Variants in PLA2G4B observed in about 807,000 individuals in gnomAD.
The protein encoded by PLA2G4B is phospholipase A2 group IVB.
PLA2G4B carries 122 observed loss-of-function variants against 95.8 expected under a neutral mutation model. That is an observed-to-expected ratio of 1.27 (90% CI 1.10 to 1.48). The LOEUF (loss-of-function observed/expected upper bound fraction) is 1.48, where lower values mean the gene tolerates loss of function less well. Ranked by LOEUF, PLA2G4B falls within the 40% of genes most tolerant of loss-of-function variation. The pLI is 0.00. For missense variants in PLA2G4B, 1,158 were observed against 996.2 expected, an observed-to-expected ratio of 1.16 and a Z score of -2.19; for synonymous variants, 518 against 421.5, an observed-to-expected ratio of 1.23 and a Z score of -2.80.
At position 41,847,851 on chromosome 15, in the gene PLA2G4B, G is replaced by A. The variant is rs561804225; in HGVS notation, c.2337G>A (p.Arg779=). 3.0e-5 allele frequency: 48 copies of A among 1,612,578 alleles called. No individual in the cohort carries two copies. The highest frequency in any genetic ancestry group is 5.3e-5 in the African/African-American group (4 of 75,072). ...RQAVQRRRQR[R]PH is the part of the protein sequence containing the mutation. Reference sequence around the variant, plus strand: ...CAGTGCAGCGGAGGCGGCAGCGCAGGCCCCACTGATGGCCGGGGCCCCTGC... The same window carrying A: ...CAGTGCAGCGGAGGCGGCAGCGCAGACCCCACTGATGGCCGGGGCCCCTGC... The change falls in exon 20 of 20, where the codon AGG becomes AGA. Residue 779 remains arginine (R), a synonymous_variant. Transcript: ENST00000458483.
chr15:41,846,408 C>T, intron 17 of PLA2G4B, 26 bp downstream of exon 17: 2 of 1,587,066 alleles, frequency 1.3e-6, no homozygotes, highest in Non-Finnish European at 1.7e-6. Context: ...CAAAGTCCTC[C>T]TGTGGCCACC....
At position 41,844,548 on chromosome 15, in the gene PLA2G4B, G is replaced by A. The variant is rs145433412; in HGVS notation, c.957G>A (p.Leu319=). 2.6e-4 allele frequency: 419 copies of A among 1,614,226 alleles called. 2 individuals carry two copies. In the African/African-American group the frequency reaches 5.4e-3, roughly 21 times the overall value. The part of the protein sequence containing the change: ...MTSLYGQLAG[L]KELGLLDCVS... ...CCCTGTATGGGCAGCTGGCTGGCCT[G>A]AAGGAGCTGGGCCTCTTGGATTGCG... Residue 319 remains leucine (L), a synonymous_variant, in exon 12 of 20, where the codon CTG becomes CTA. Transcript: ENST00000458483.
rs779640300 is a variant in PLA2G4B at position 41,844,860 on chromosome 15, C to A, written c.1029C>A (p.Asn343Lys). 16 of 1,605,954 alleles carry A rather than the reference C, an allele frequency of 1.0e-5. No individual in the cohort carries two copies. In the Admixed American group the frequency reaches 1.4e-4, roughly 14 times the overall value. Residue 343 changes from asparagine (N) to lysine (K), a missense_variant, in exon 13 of 20, where the codon AAC becomes AAA. Asn to Lys is a moderately conservative substitution (Grantham distance 94, BLOSUM62 0). Transcript: ENST00000458483. Reference sequence around the variant, plus strand: ...TGGCTTTTCCCAGGGCCTTGGCCAACCTTTATGAGGACCCAGAGTGGTCTC... The same window carrying A: ...TGGCTTTTCCCAGGGCCTTGGCCAAACTTTATGAGGACCCAGAGTGGTCTC... ...GASGSTWALA[N>K]LYEDPEWSQK...
chr15:41,840,924 G>C lies in PLA2G4B; in HGVS notation c.351+19G>C, dbSNP rs199715476. 1.9e-6 allele frequency: 3 copies of C among 1,609,178 alleles called. No individual in the cohort carries two copies. The highest frequency in any genetic ancestry group is 1.1e-5 in the South Asian group (1 of 90,758). On this transcript the variant is annotated intron_variant, in intron 4 of 19. Coordinates refer to ENST00000458483, the MANE Select transcript of PLA2G4B (RefSeq NM_001114633.2). Reference sequence around the variant, plus strand: ...CCCTCAGGCAAGGCGGTGTTTCCACGGCAGCCCTAGCTGGTGTCTGGGTTG... The same window carrying C: ...CCCTCAGGCAAGGCGGTGTTTCCACCGCAGCCCTAGCTGGTGTCTGGGTTG...
rs749011270 is a variant in PLA2G4B at position 41,847,513 on chromosome 15, C to T, written c.2124C>T (p.Tyr708=). ...TGGTCAGCGACTCCTTCCGGGAGTA[C>T]TCGGCCCCTGGTGAGCTGCTGTTCA... ...FPLVSDSFRE[Y]SAPGVRRTPE... The change falls in exon 19 of 20, where the codon TAC becomes TAT. Residue 708 remains tyrosine (Y), a synonymous_variant. Coordinates refer to ENST00000458483, the MANE Select transcript of PLA2G4B (RefSeq NM_001114633.2). 2 of 1,604,770 alleles carry T rather than the reference C, an allele frequency of 1.2e-6. No individual in the cohort carries two copies. The highest frequency in any genetic ancestry group is 1.7e-5 in the Admixed American group (1 of 59,740).
rs776240194 is a variant in PLA2G4B at position 41,842,232 on chromosome 15, C to T, written c.661C>T (p.Leu221=). Residue 221 remains leucine (L), a synonymous_variant, in exon 9 of 20, where the codon CTG becomes TTG. Transcript: ENST00000458483. Reference sequence around the variant, plus strand: ...GCAACTAAAGGCGCCACTGAGTGCCCTGCCCTCTGGTCAAGTGGTGAGGCT... The same window carrying T: ...GCAACTAAAGGCGCCACTGAGTGCCTTGCCCTCTGGTCAAGTGGTGAGGCT... ...EEQLKAPLSA[L]PSGQVVRLVF... The T allele has an allele frequency of 3.7e-6, 6 of 1,614,110 alleles. No individual in the cohort carries two copies. The South Asian group carries it at 4.4e-5, about 12-fold the overall frequency.
rs1362253835 is a variant in PLA2G4B, at chr15:41,847,706, A to T, written c.2192A>T (p.Asp731Val). The T allele has an allele frequency of 1.2e-6, 2 of 1,613,186 alleles. No homozygotes were observed. Among genetic ancestry groups the T allele is most frequent in the Non-Finnish European group, 1.7e-6 (2 of 1,179,914 alleles). The change falls in exon 20 of 20, where the codon GAC becomes GTC. Residue 731 changes from aspartate to valine, a missense_variant. Asp to Val is a radical substitution (Grantham distance 152). Coordinates refer to ENST00000458483, the MANE Select transcript of PLA2G4B (RefSeq NM_001114633.2). ...GGGGAGGTGAACCTGTCTTCATCGG[A>T]CTCTCCCTACCACTACACGAAGGTG... The part of the protein sequence containing the change: ...AAGEVNLSSS[D>V]SPYHYTKVTY...
At chr15:41,840,699 G>T in intron 3 of PLA2G4B, 39 bp downstream of exon 3, 4 of 1,603,894 alleles carry the variant, frequency 2.5e-6, no homozygotes, top group East Asian at 2.2e-5. Context: ...CCACATCCTC[G>T]CCAGCCACTG....
rs1352655729 is a variant in PLA2G4B, at chr15:41,846,361, C to T, written c.1759C>T (p.Pro587Ser). 1 of 1,606,618 alleles carries T rather than the reference C, an allele frequency of 6.2e-7. No individual in the cohort carries two copies. The highest frequency in any genetic ancestry group is 8.5e-7 in the Non-Finnish European group (1 of 1,173,500). Residue 587 changes from proline to serine, a missense_variant, in exon 17 of 20, where the codon CCT becomes TCT. Physicochemically the swap from Pro to Ser is moderately conservative, Grantham distance 74. Coordinates refer to ENST00000458483, the MANE Select transcript of PLA2G4B (RefSeq NM_001114633.2). ...TTTCCACAAAGACTACTTTCAGCAT[C>T]CTCACTTCTCCACATGGAAAGGTAC... The part of the protein sequence containing the change: ...LHFHKDYFQH[P>S]HFSTWKATTL...
rs1293800415 is a variant in PLA2G4B at position 41,845,087 on chromosome 15, C to G, written c.1239+17C>G. On this transcript the variant is annotated intron_variant, in intron 13 of 19. Coordinates refer to ENST00000458483, the MANE Select transcript of PLA2G4B (RefSeq NM_001114633.2). ...CATGATGAGGTGCGGGGGCTGCGGCCTGGGGGCAGAGCCAGGGCAAGGGCT... is the reference window on the plus strand; with the variant it reads ...CATGATGAGGTGCGGGGGCTGCGGCGTGGGGGCAGAGCCAGGGCAAGGGCT... The G allele has an allele frequency of 3.1e-6, 5 of 1,595,152 alleles. No homozygotes were observed. The highest frequency in any genetic ancestry group is 4.3e-6 in the Non-Finnish European group (5 of 1,168,652).
chr15:41,840,616 G>T lies in PLA2G4B; in HGVS notation c.175G>T (p.Val59Phe), dbSNP rs768865649. 3.7e-6 allele frequency: 6 copies of T among 1,614,010 alleles called. No homozygotes were observed. Among genetic ancestry groups the T allele is most frequent in the Non-Finnish European group, 5.1e-6 (6 of 1,180,014 alleles). The change falls in exon 3 of 20, where the codon GTC becomes TTC. Residue 59 changes from valine (V) to phenylalanine (F), a missense_variant. Physicochemically the swap from Val to Phe is conservative, Grantham distance 50 (BLOSUM62 -1). Transcript: ENST00000458483. ...TRTVKNSSSP[V>F]WNQSFHFRIH... is the part of the protein sequence containing the mutation. ...CACGGTCAAGAACAGCAGTAGCCCTGTCTGGAACCAGAGCTTTCACTTCAG... is the reference window on the plus strand; with the variant it reads ...CACGGTCAAGAACAGCAGTAGCCCTTTCTGGAACCAGAGCTTTCACTTCAG...
At position 41,844,986 on chromosome 15, in the gene PLA2G4B, G is replaced by A; in HGVS notation, c.1155G>A (p.Glu385=). Residue 385 remains glutamate (E), a synonymous_variant, in exon 13 of 20, where the codon GAG becomes GAA. Transcript: ENST00000458483. ...APSQLQRYRQ[E]LAERARLGYP... is the part of the protein sequence containing the mutation. ...GCCAGCTGCAGCGGTACCGGCAGGA[G>A]CTGGCCGAGCGTGCCCGCTTGGGCT... 6.2e-7 allele frequency: 1 copy of A among 1,609,324 alleles called. No individual in the cohort carries two copies. The highest frequency in any genetic ancestry group is 8.5e-7 in the Non-Finnish European group (1 of 1,178,118).
intron 1 of PLA2G4B, chr15:41,839,910 G>A: frequency 1.9e-6 from 1 of 523,384 alleles, no homozygotes; most frequent in East Asian, 3.1e-5. Flanking sequence ...TAAGGTGGTT[G>A]TGCGATAAAT....
At chr15:41,845,607 A>G in intron 14 of PLA2G4B, 31 bp from the exon 15 acceptor site, 1 of 1,613,656 alleles carries the variant, frequency 6.2e-7, no homozygotes, top group Non-Finnish European at 8.5e-7. Context: ...AGGGCTCTGC[A>G]CCATGAGGCT....
At chr15:41,843,380 G>A (rs188479169) in intron 10 of PLA2G4B, among the ~76,000 whole-genome samples, 12 of 146,680 alleles carry the variant, frequency 8.2e-5, no homozygotes, top group South Asian at 4.2e-4. Context: ...GAGACTTGGA[G>A]GGGGGGGATC....
rs772624024 is a variant in PLA2G4B at position 41,846,399 on chromosome 15, A to G, written c.1780+17A>G. The stretch of plus-strand genomic sequence containing the variant: ...CATGGAAAGGTACCTGCTTCTCTCC[A>G]AAGTCCTCCTGTGGCCACCTGAGCC... On this transcript the variant is annotated intron_variant, in intron 17 of 19. Coordinates refer to ENST00000458483, the MANE Select transcript of PLA2G4B (RefSeq NM_001114633.2). 3 of 1,594,744 alleles carry G rather than the reference A, an allele frequency of 1.9e-6. No homozygotes were observed. The South Asian group carries it at 3.3e-5, about 18-fold the overall frequency.
rs995000932 is a variant in PLA2G4B at position 41,848,118 on chromosome 15, C to CTT, written c.*259_*260dup. ...TGCGCTACCTTGAGTAGTTGGAGCA[C>CTT]TTGATACATCACAGACTCATACAAA... On this transcript the variant is annotated 3_prime_UTR_variant, in exon 20 of 20. Coordinates refer to ENST00000458483, the MANE Select transcript of PLA2G4B (RefSeq NM_001114633.2). The CTT allele has an allele frequency of 1.4e-4, 83 of 581,294 alleles. No homozygotes were observed. Among genetic ancestry groups the CTT allele is most frequent in the Non-Finnish European group, 2.4e-4 (77 of 326,462 alleles). The allele number at this position is 581,294 out of a possible 1,614,324, so 36.0% of individuals were successfully genotyped here.
intron 12 of PLA2G4B, 61 bp from the exon 13 acceptor site, chr15:41,844,787 G>A (rs577508524): frequency 3.2e-4 from 496 of 1,544,596 alleles, no homozygotes; most frequent in African/African-American, 5.5e-4. Flanking sequence ...CCCGGGGCAC[G>A]TGGGGTCTAG....
In PLA2G4B at chr15:41,841,880, T is replaced by G; in HGVS notation, c.552T>G (p.Ser184=). 6.2e-7 allele frequency: 1 copy of G among 1,613,398 alleles called. No homozygotes were observed. The highest frequency in any genetic ancestry group is 8.5e-7 in the Non-Finnish European group (1 of 1,179,858). ...CCTGTGAGGGTCCGCAGGAGGCCTC[T>G]GTGGGCACTGGCACCTTCCGCTTCC... ...PGSCEGPQEA[S]VGTGTFRFHC... is the part of the protein sequence containing the mutation. The change falls in exon 8 of 20, where the codon TCT becomes TCG. Residue 184 remains serine (S), a synonymous_variant. Transcript: ENST00000458483.
Sources: allele counts gnomAD v4.1 joint callset (sites outside exome capture counted in the v4.1 genomes callset), GRCh38; gene constraint gnomAD v4.1.1; transcripts MANE v1.5; gene names NCBI Gene and HGNC (gene_info 2026-07-23, HGNC 2026-07-21).